Variants in CAST observed in about 807,000 individuals in gnomAD.
The protein encoded by CAST is MIR583 host.
CAST carries 76 observed loss-of-function variants against 119.6 expected under a neutral mutation model. The observed-to-expected ratio is 0.64, with a 90% CI of 0.53 to 0.77. CAST has a LOEUF of 0.77. CAST is among the 30% of genes least tolerant of loss of function. CAST has a pLI of 0.00. For synonymous variants in CAST, 319 were observed against 331.6 expected (o/e 0.96, Z 0.41); for missense variants, 953 against 946.5 (o/e 1.01, Z -0.09).
At chr5:96,285,016 T>A in the CAST span, among the ~76,000 whole-genome samples, 1 of 152,230 alleles carries the variant, frequency 6.6e-6, no homozygotes, top group African/African-American at 2.4e-5. Flanking sequence ...GTTTATACTG[T>A]CATAAATAAT....
intron 1 of CAST, among the ~76,000 whole-genome samples, chr5:96,551,281 GA>G (rs1473978598): frequency 6.6e-6 from 1 of 152,178 alleles, no homozygotes; most frequent in Non-Finnish European, 1.5e-5. Flanking sequence ...TTAAAGAAAA[GA>G]ATTTTCAACG....
intron 3 of CAST, among the ~76,000 whole-genome samples, chr5:96,713,440 C>G (rs868806521): frequency 6.6e-6 from 1 of 152,064 alleles, no homozygotes; most frequent in African/African-American, 2.4e-5. Flanking sequence ...CAGAATTTCT[C>G]ATTCTTATAC....
chr5:96,366,582 C>T, the CAST span, among the ~76,000 whole-genome samples: 1 of 152,182 alleles, frequency 6.6e-6, no homozygotes, highest in Non-Finnish European at 1.5e-5. Flanking sequence ...TTCATTTGAT[C>T]TTCAATCACT....
At chr5:96,115,014 A>G in the CAST span, among the ~76,000 whole-genome samples, 3 of 152,248 alleles carry the variant, frequency 2.0e-5, no homozygotes, top group African/African-American at 7.2e-5. Context: ...GGTTATCGCA[A>G]CAATTACAAG....
the CAST span, among the ~76,000 whole-genome samples, chr5:96,400,649 A>G: frequency 6.6e-6 from 1 of 152,234 alleles, no homozygotes; most frequent in Non-Finnish European, 1.5e-5. Flanking sequence ...AAAGACACAG[A>G]CTGGCTACCT....
intron 27 of CAST, 130 bp downstream of exon 27, chr5:96,766,275 T>C (rs528135063): frequency 1.0e-5 from 6 of 588,378 alleles, no homozygotes; most frequent in Admixed American, 6.3e-5. Flanking sequence ...CTGCTTCTAA[T>C]GTGTCACCAA....
the CAST span, among the ~76,000 whole-genome samples, chr5:96,155,011 T>C: frequency 6.6e-6 from 1 of 152,338 alleles, no homozygotes; most frequent in East Asian, 1.9e-4. Context: ...AGAATACTTA[T>C]GTAAGTTATT....
the CAST span, chr5:96,423,533 C>A: frequency 7.6e-7 from 1 of 1,311,314 alleles, no homozygotes; most frequent in Non-Finnish European, 1.1e-6. Context: ...TCAGTTCCAA[C>A]CTGGAGACCC....
the CAST span, among the ~76,000 whole-genome samples, chr5:96,061,124 T>C: frequency 6.6e-6 from 1 of 151,996 alleles, no homozygotes; most frequent in African/African-American, 2.4e-5. Context: ...ACACTGAGGG[T>C]TCAGGCTTCA....
chr5:96,709,456 T>C (rs1204378863), intron 3 of CAST, among the ~76,000 whole-genome samples: 1 of 152,258 alleles, frequency 6.6e-6, no homozygotes, highest in Non-Finnish European at 1.5e-5. Context: ...GGAATTTCTC[T>C]TCTTTAAAGC....
chr5:96,028,840 T>G, the CAST span, among the ~76,000 whole-genome samples: 2 of 151,690 alleles, frequency 1.3e-5, no homozygotes, highest in East Asian at 3.9e-4. Flanking sequence ...AGGGAAGAAT[T>G]AAAAAAAAAC....
rs1382051412 is a variant in CAST, at chr5:96,729,594, CTG to C, written c.436-10_436-9del. The C allele has an allele frequency of 1.0e-6, 1 of 976,172 alleles. No homozygotes were observed. The highest frequency in any genetic ancestry group is 1.6e-5 in the African/African-American group (1 of 62,620). 60.5% of individuals were successfully genotyped at this position (976,172 alleles called of 1,614,324 possible). On this transcript the variant is annotated splice_polypyrimidine_tract_variant and intron_variant, in intron 7 of 31. Transcript: ENST00000675179. ...AATGTCTTTATATGTGTGTGGGCAC[CTG>C]TGTGTGTACTTTCAGCCAAAAAGCC...
intron 1 of CAST, among the ~76,000 whole-genome samples, chr5:96,538,424 C>G (rs934438860): frequency 6.6e-6 from 1 of 152,098 alleles, no homozygotes. Context: ...GTTTGGAAAG[C>G]CTTTTGGAAA....
At chr5:95,971,993 G>A in the CAST span, among the ~76,000 whole-genome samples, 8 of 138,782 alleles carry the variant, frequency 5.8e-5, no homozygotes, top group Non-Finnish European at 1.1e-4. Context: ...GGGTCCCCCT[G>A]CTGTTACCCA....
At chr5:96,714,437 C>T (rs6868501) in intron 3 of CAST, among the ~76,000 whole-genome samples, 2,424 of 152,224 alleles carry the variant, frequency 0.016, 78 homozygotes, top group African/African-American at 0.056. Context: ...AGAAAAGGTG[C>T]GCAAGAAAGA....
the CAST span, chr5:96,213,349 A>T: frequency 6.6e-6 from 1 of 152,080 alleles, no homozygotes; most frequent in Admixed American, 6.6e-5. Flanking sequence ...CATGTTTTTA[A>T]TATGTTCTGC....
rs112559821 is a variant in CAST, at chr5:96,759,203, T to C, written c.1833+1549T>C. On this transcript the variant is annotated intron_variant, in intron 24 of 31. Transcript: ENST00000675179. ...CATGAGAACCAAATAATCAAAATAG[T>C]TATTTAGTGGAAAGTTTCAAGAAAT... Among the ~76,000 whole-genome samples the C allele has an allele frequency of 6.2e-3, 951 of 152,268 alleles. 10 individuals carry two copies. Among genetic ancestry groups the C allele is most frequent in the African/African-American group, 0.022 (898 of 41,564 alleles).
the CAST span, among the ~76,000 whole-genome samples, chr5:96,265,658 A>C: frequency 1.3e-5 from 2 of 151,990 alleles, no homozygotes; most frequent in Non-Finnish European, 2.9e-5. Flanking sequence ...TTCTAGAAAC[A>C]CTCTCACAGA....
chr5:96,764,184 G>T (rs1768994948), intron 25 of CAST, among the ~76,000 whole-genome samples: 1 of 152,142 alleles, frequency 6.6e-6, no homozygotes, highest in African/African-American at 2.4e-5. Context: ...TATGGATTTT[G>T]CTATAATAAT....
Sources: gnomAD v4.1 joint callset for allele counts (sites outside exome capture counted in the v4.1 genomes callset) on GRCh38, gnomAD v4.1.1 for gene constraint, MANE v1.5 for transcripts, NCBI Gene and HGNC (gene_info 2026-07-23, HGNC 2026-07-21) for gene names.